The following SAFB variants were observed in gnomAD, a reference collection of about 807,000 sequenced individuals.
The protein encoded by SAFB is scaffold attachment factor B1.
In SAFB, 15 loss-of-function variants were observed where a neutral mutation model predicts 101.6. The observed-to-expected ratio is 0.15, with a 90% CI of 0.10 to 0.23. SAFB has a LOEUF of 0.23. SAFB is among the 10% of genes least tolerant of loss of function. SAFB has a pLI of 1.00. For synonymous variants in SAFB, 449 were observed against 407.5 expected (o/e 1.10, Z -1.23); for missense variants, 930 against 1,104.1 (o/e 0.84, Z 2.23).
intron 4 of SAFB, among the ~76,000 whole-genome samples, chr19:5,643,858 CAAA>C (rs550517968): frequency 1.7e-5 from 2 of 114,502 alleles, no homozygotes; most frequent in Non-Finnish European, 3.7e-5. Flanking sequence ...GTGAGACTCT[CAAA>C]AAAAAAAAAA....
rs1568271018 is a variant in SAFB at position 5,654,068 on chromosome 19, A to G, written c.1534A>G (p.Asn512Asp). Reference protein sequence around the residue: ...EKSSNSDRSTNLKRDDKCDRK... With the variant: ...EKSSNSDRSTDLKRDDKCDRK... ...CATGTCTGTTTTTTATAGATCTACA[A>G]ACCTTAAGAGGGATGATAAATGTGA... Residue 512 changes from asparagine (N) to aspartate (D), a missense_variant, in exon 12 of 21, where the codon AAC (asparagine) becomes GAC (aspartate). Asn to Asp is a conservative substitution (Grantham distance 23). This residue lies in a region of SAFB where 92 missense variants were observed against 83.8 expected (regional missense o/e 1.10). Coordinates refer to ENST00000588852, the MANE Select transcript of SAFB (RefSeq NM_001201338.2). 5.6e-6 allele frequency: 9 copies of G among 1,614,108 alleles called. No homozygotes were observed. The highest frequency in any genetic ancestry group is 2.2e-5 in the South Asian group (2 of 91,082).
chr19:5,647,944 T>G, intron 5 of SAFB, 72 bp from the exon 6 acceptor site: 1 of 1,332,154 alleles, frequency 7.5e-7, no homozygotes, highest in South Asian at 1.2e-5. Context: ...CTTTAGTTAT[T>G]CTGGGTTTTC....
Position 5,661,540 on chromosome 19 carries a change from C to T in SAFB, c.1885C>T (p.Arg629Cys). The change falls in exon 15 of 21, where the codon CGC becomes TGC. Residue 629 changes from arginine (R) to cysteine (C), a missense_variant. Coordinates refer to ENST00000588852, the MANE Select transcript of SAFB (RefSeq NM_001201338.2). ...SHSRVRERSE[R>C]EQRMQAQWER... ...CAGCAGGGTGCGTGAACGCAGTGAA[C>T]GCGAACAACGCATGCAGGCGCAGTG... The T allele has an allele frequency of 1.2e-6, 2 of 1,612,902 alleles. No individual in the cohort carries two copies. Among genetic ancestry groups the T allele is most frequent in the Non-Finnish European group, 1.7e-6 (2 of 1,179,828 alleles).
At chr19:5,629,109 C>A (rs1168978698) in intron 2 of SAFB, among the ~76,000 whole-genome samples, 2 of 152,152 alleles carry the variant, frequency 1.3e-5, no homozygotes, top group South Asian at 2.1e-4. Context: ...TTTTAAAATA[C>A]GTGCATGGGA....
chr19:5,667,737 A>AG lies in SAFB; in HGVS notation c.2558-83_2558-82insG. On this transcript the variant is annotated intron_variant, in intron 19 of 20. Coordinates refer to ENST00000588852, the MANE Select transcript of SAFB (RefSeq NM_001201338.2). The surrounding 1 kb of genome is among the most constrained non-coding windows in gnomAD (Gnocchi z 4.0). ...TTGTGGGTACCTGGGGGCCTCACCA[A>AG]AGGGAGTGGAGTGGGCTAAATGTGC... 7.1e-7 allele frequency: 1 copy of AG among 1,411,986 alleles called. No individual in the cohort carries two copies. Among genetic ancestry groups the AG allele is most frequent in the Non-Finnish European group, 1.0e-6 (1 of 1,004,794 alleles). 87.5% of individuals were successfully genotyped at this position (1,411,986 alleles called of 1,614,324 possible). A position where few individuals can be genotyped will look rare whatever the true frequency, so the allele number is the denominator to read the frequency against.
rs200966422 is a variant in SAFB at position 5,654,121 on chromosome 19, C to T, written c.1587C>T (p.Asp529=). The change falls in exon 12 of 21, where the codon GAC becomes GAT. Residue 529 remains aspartate, a synonymous_variant. Coordinates refer to ENST00000588852, the MANE Select transcript of SAFB (RefSeq NM_001201338.2). ...GAAAAGATGATGCTAAGAAGGGTGACGACGGAAGTGGAGAAAAGAGTAAGG... is the reference window on the plus strand; with the variant it reads ...GAAAAGATGATGCTAAGAAGGGTGATGACGGAAGTGGAGAAAAGAGTAAGG... The part of the protein sequence containing the change: ...CDRKDDAKKG[D]DGSGEKSKDQ... 50 of 1,613,984 alleles carry T rather than the reference C, an allele frequency of 3.1e-5. No homozygotes were observed. Among genetic ancestry groups the T allele is most frequent in the African/African-American group, 4.0e-5 (3 of 75,016 alleles).
chr19:5,641,366 T>A (rs2053709474), intron 2 of SAFB, among the ~76,000 whole-genome samples: 1 of 152,002 alleles, frequency 6.6e-6, no homozygotes, highest in Admixed American at 6.6e-5. Context: ...GAACCTGTTT[T>A]CTGCACTTCT....
intron 1 of SAFB, among the ~76,000 whole-genome samples, chr19:5,626,095 G>T (rs1599308309): frequency 6.6e-6 from 1 of 152,188 alleles, no homozygotes. Context: ...TTCATGGCTA[G>T]TAGAGTCCTC....
Position 5,626,544 on chromosome 19 carries a change from A to G in SAFB, c.274+55A>G, listed in dbSNP as rs1186147906. 5.8e-6 allele frequency: 6 copies of G among 1,033,088 alleles called. No homozygotes were observed. In the Admixed American group the frequency reaches 1.1e-4, roughly 18 times the overall value. 64.0% of individuals were successfully genotyped at this position (1,033,088 alleles called of 1,614,324 possible). On this transcript the variant is annotated intron_variant, in intron 2 of 20. Transcript: ENST00000588852. ...GTTAAGTGCTTTCTTCAAAACGAAT[A>G]CATTGCTAATGTGCCTCGTTTACTT...
At chr19:5,624,904 C>T (rs527950784) in intron 1 of SAFB, among the ~76,000 whole-genome samples, 244 of 152,156 alleles carry the variant, frequency 1.6e-3, no homozygotes, top group African/African-American at 5.7e-3. Flanking sequence ...TGTGGTGCCC[C>T]GCCACCAGGG....
intron 1 of SAFB, among the ~76,000 whole-genome samples, chr19:5,625,327 A>C (rs1269588861): frequency 3.9e-5 from 6 of 152,134 alleles, no homozygotes; most frequent in Non-Finnish European, 8.8e-5. Flanking sequence ...TGTCCCCGGG[A>C]AAAGGGTGAG....
chr19:5,666,584 C>T (rs2054331689), intron 17 of SAFB: 1 of 171,144 alleles, frequency 5.8e-6, no homozygotes, highest in Non-Finnish European at 1.3e-5. Flanking sequence ...TTTGATACTT[C>T]CTTCACTGTG....
At chr19:5,662,111 T>C (rs549181327) in intron 15 of SAFB, among the ~76,000 whole-genome samples, 114 of 152,224 alleles carry the variant, frequency 7.5e-4, no homozygotes, top group Non-Finnish European at 1.3e-3. Flanking sequence ...GGTCTCTATC[T>C]CCTGACCTCG....
At chr19:5,624,728 C>T (rs2053314394) in intron 1 of SAFB, among the ~76,000 whole-genome samples, 1 of 147,088 alleles carries the variant, frequency 6.8e-6, no homozygotes, top group African/African-American at 2.5e-5. Context: ...ACCCTGGGCT[C>T]AAGGGTGGAT....
At chr19:5,636,203 C>A (rs1448583727) in intron 2 of SAFB, among the ~76,000 whole-genome samples, 1 of 151,898 alleles carries the variant, frequency 6.6e-6, no homozygotes, top group Non-Finnish European at 1.5e-5. Flanking sequence ...AATCTAGTAC[C>A]CCTCCTGAGG....
At chr19:5,652,787 C>A (rs1315773190) in intron 9 of SAFB, among the ~76,000 whole-genome samples, 1 of 151,938 alleles carries the variant, frequency 6.6e-6, no homozygotes, top group Admixed American at 6.6e-5. Flanking sequence ...AATTTACCAC[C>A]TACGTAGCAT....
At position 5,656,575 on chromosome 19, in the gene SAFB, A is replaced by ATTT. The variant is rs918418902; in HGVS notation, c.1756-647_1756-645dup. On this transcript the variant is annotated intron_variant, in intron 13 of 20. Coordinates refer to ENST00000588852, the MANE Select transcript of SAFB (RefSeq NM_001201338.2). The stretch of plus-strand genomic sequence containing the variant: ...ATAGGCGTGAGCCACTGCGCCAGCA[A>ATTT]TTTTTTTTTTTTTTTTTTTTTGTCA... Among the ~76,000 whole-genome samples, 58 of 128,356 alleles carry ATTT rather than the reference A, an allele frequency of 4.5e-4. 1 individual carries two copies. The highest frequency in any genetic ancestry group is 1.2e-3 in the African/African-American group (41 of 33,920). The allele number at this position is 128,356 out of a possible 152,430, so 84.2% of individuals were successfully genotyped here.
At chr19:5,624,218 C>CTATTCTTTTT (rs2053283503) in intron 1 of SAFB, among the ~76,000 whole-genome samples, 1 of 148,976 alleles carries the variant, frequency 6.7e-6, no homozygotes, top group African/African-American at 2.5e-5. Flanking sequence ...GTCCTCTTTT[C>CTATTCTTTTT]TATTCTTTTT....
chr19:5,657,285 G>A lies in SAFB; in HGVS notation c.1800G>A (p.Arg600=). ...GCAAATCAGCCAGCAGAGAGAAGCG[G>A]TCCGTCGTGTCCTTTGATAAGGTCA... The part of the protein sequence containing the change: ...QDRKSASREK[R]SVVSFDKVKE... The change falls in exon 14 of 21, where the codon CGG becomes CGA. Residue 600 remains arginine (R), a synonymous_variant. Transcript: ENST00000588852. 1 of 1,614,078 alleles carries A rather than the reference G, an allele frequency of 6.2e-7. No homozygotes were observed. The highest frequency in any genetic ancestry group is 8.5e-7 in the Non-Finnish European group (1 of 1,179,968).
Sources: allele counts gnomAD v4.1 joint callset (sites outside exome capture counted in the v4.1 genomes callset), GRCh38; gene constraint gnomAD v4.1.1; regional missense constraint gnomAD v4.1.1; non-coding constraint Gnocchi (gnomAD v3.1); transcripts MANE v1.5; gene names NCBI Gene and HGNC (gene_info 2026-07-23, HGNC 2026-07-21).